The following DIP2B variants were observed in gnomAD, a reference collection of about 807,000 sequenced individuals.
The protein encoded by DIP2B is DIP2 acetate--CoA ligase B (putative), also known as disco-interacting protein 2 homolog B.
DIP2B carries 76 observed loss-of-function variants against 198.0 expected under a neutral mutation model. That is an observed-to-expected ratio of 0.38 (90% CI 0.32 to 0.46). DIP2B has a LOEUF of 0.46. Among genes scored for constraint, DIP2B ranks in the 20% least tolerant of loss-of-function variants. The pLI, the probability that DIP2B is intolerant of heterozygous loss-of-function variation, is 0.99. For synonymous variants in DIP2B, 701 were observed against 739.1 expected (o/e 0.95, Z 0.84); for missense variants, 1,559 against 1,978.4 (o/e 0.79, Z 4.02).
intron 3 of DIP2B, among the ~76,000 whole-genome samples, chr12:50,649,423 G>C (rs1254178462): frequency 6.6e-6 from 1 of 152,198 alleles, no homozygotes; most frequent in Non-Finnish European, 1.5e-5. Flanking sequence ...CAAGTTCAGA[G>C]CTAGACAGGC....
At position 50,660,266 on chromosome 12, in the gene DIP2B, C is replaced by T. The variant is rs1173067388; in HGVS notation, c.374C>T (p.Thr125Ile). The change falls in exon 4 of 38, where the codon ACC becomes ATC. Residue 125 changes from threonine (T) to isoleucine (I), a missense_variant. By Grantham distance (89) the Thr-to-Ile change is moderately conservative. Transcript: ENST00000301180. Reference protein sequence around the residue: ...KEQKMALPMPTKRRSTFVQSP... With the variant: ...KEQKMALPMPIKRRSTFVQSP... ...CAGAAGATGGCTTTGCCCATGCCAA[C>T]CAAAAGGCGATCCACATTTGTTCAG... 1.2e-6 allele frequency: 2 copies of T among 1,613,216 alleles called. No individual in the cohort carries two copies. The highest frequency in any genetic ancestry group is 1.3e-5 in the African/African-American group (1 of 74,920).
intron 4 of DIP2B, among the ~76,000 whole-genome samples, chr12:50,662,938 G>A (rs999424372): frequency 4.6e-5 from 7 of 151,810 alleles, no homozygotes; most frequent in East Asian, 2.0e-4. Flanking sequence ...GTGAAACCCC[G>A]TCCCGGCTAA....
intron 4 of DIP2B, among the ~76,000 whole-genome samples, chr12:50,669,145 T>C (rs886381652): frequency 2.0e-5 from 3 of 152,176 alleles, no homozygotes; most frequent in African/African-American, 7.2e-5. Context: ...GCGAAACCCT[T>C]TGATTACTCC....
At chr12:50,735,031 C>T (rs1300863885) in intron 33 of DIP2B, 42 bp from the exon 34 acceptor site, 3 of 1,611,442 alleles carry the variant, frequency 1.9e-6, no homozygotes, top group Non-Finnish European at 2.5e-6. Context: ...GCGACTTCTC[C>T]TCTTAAAAGC....
rs763120960 is a variant in DIP2B, at chr12:50,675,388, C to T, written c.856C>T (p.Arg286Ter). Residue 286 changes from arginine to a stop codon, truncating the protein, a stop_gained, in exon 7 of 38, where the codon CGA (arginine) becomes TGA (stop). Coordinates refer to ENST00000301180, the MANE Select transcript of DIP2B (RefSeq NM_173602.3). LOFTEE classifies it high-confidence loss of function. ...CCAGCAGCTTCTGAACACTCTGAAA[C>T]GACCCAAAAGGCCTCCCTTAAAGGA... ...KIQQLLNTLK[R>*]PKRPPLKEFF... The T allele has an allele frequency of 3.1e-6, 5 of 1,613,790 alleles. No homozygotes were observed. The highest frequency in any genetic ancestry group is 1.7e-5 in the Admixed American group (1 of 60,008).
intron 26 of DIP2B, among the ~76,000 whole-genome samples, chr12:50,721,769 ATGT>A (rs1378005083): frequency 6.6e-6 from 1 of 152,220 alleles, no homozygotes; most frequent in Non-Finnish European, 1.5e-5. Flanking sequence ...CCCCAAAGAA[ATGT>A]TGTGCGTGAA....
intron 2 of DIP2B, among the ~76,000 whole-genome samples, chr12:50,634,014 G>A (rs1179116711): frequency 2.0e-5 from 3 of 152,050 alleles, no homozygotes; most frequent in South Asian, 2.1e-4. Context: ...AAAACGCTCC[G>A]ACTTTGAGAG....
At chr12:50,737,823 G>A (rs1940165070) in intron 35 of DIP2B, among the ~76,000 whole-genome samples, 1 of 152,082 alleles carries the variant, frequency 6.6e-6, no homozygotes, top group South Asian at 2.1e-4. Context: ...CATGAGTTCA[G>A]GTGATCCGCC....
intron 25 of DIP2B, among the ~76,000 whole-genome samples, chr12:50,720,700 T>C (rs1212525474): frequency 6.6e-6 from 1 of 152,108 alleles, no homozygotes; most frequent in Non-Finnish European, 1.5e-5. Context: ...GAGGATGGCT[T>C]GAACCCAGGA....
rs58891579 is a variant in DIP2B, at chr12:50,726,949, C to CA, written c.3401-746dup. Reference sequence around the variant, plus strand: ...GCAATACAGTGAGACCTCACCTCTACAAAAAAAATTTTTATTTAATTAGCT... The same window carrying CA: ...GCAATACAGTGAGACCTCACCTCTACAAAAAAAAATTTTTATTTAATTAGCT... On this transcript the variant is annotated intron_variant, in intron 28 of 37. Coordinates refer to ENST00000301180, the MANE Select transcript of DIP2B (RefSeq NM_173602.3). 3.3e-5 allele frequency among the ~76,000 whole-genome samples: 5 copies of CA among 151,926 alleles called. No individual in the cohort carries two copies. In the South Asian group the frequency reaches 1.0e-3, roughly 32 times the overall value.
At chr12:50,708,853 A>G (rs975778156) in intron 22 of DIP2B, among the ~76,000 whole-genome samples, 7 of 152,268 alleles carry the variant, frequency 4.6e-5, no homozygotes, top group African/African-American at 1.7e-4. Context: ...TGTGGAACAC[A>G]TCTCTGGCAG....
intron 3 of DIP2B, among the ~76,000 whole-genome samples, chr12:50,648,464 C>T (rs978586690): frequency 3.3e-5 from 5 of 152,072 alleles, no homozygotes; most frequent in East Asian, 1.9e-4. Flanking sequence ...CCTGGGTTCA[C>T]GCCATTCTCC....
chr12:50,596,041 G>A (rs1958876031), intron 1 of DIP2B, among the ~76,000 whole-genome samples: 1 of 152,304 alleles, frequency 6.6e-6, no homozygotes, highest in Admixed American at 6.5e-5. Flanking sequence ...TTTGCCAATA[G>A]GTGCTCCCAT....
At chr12:50,571,391 C>T (rs910182799) in intron 1 of DIP2B, among the ~76,000 whole-genome samples, 5 of 151,860 alleles carry the variant, frequency 3.3e-5, no homozygotes, top group East Asian at 3.9e-4. Context: ...AGGCTGGTCT[C>T]GAACCTCTGA....
chr12:50,657,350 A>G (rs973578395), intron 3 of DIP2B, among the ~76,000 whole-genome samples: 4 of 152,172 alleles, frequency 2.6e-5, no homozygotes, highest in African/African-American at 9.7e-5. Flanking sequence ...CCCATGAATT[A>G]CTTATTAATT....
intron 37 of DIP2B, among the ~76,000 whole-genome samples, chr12:50,744,279 G>A (rs796697478): frequency 8.5e-5 from 13 of 152,258 alleles, no homozygotes; most frequent in African/African-American, 3.1e-4. Flanking sequence ...TGGGATTATA[G>A]GTGTGAGCCA....
At chr12:50,658,960 A>G (rs1260753018) in intron 3 of DIP2B, among the ~76,000 whole-genome samples, 3 of 152,152 alleles carry the variant, frequency 2.0e-5, no homozygotes, top group African/African-American at 7.2e-5. Flanking sequence ...GGTGGCGTGT[A>G]CCTGTAGTCC....
At chr12:50,661,145 G>A (rs997819134) in intron 4 of DIP2B, among the ~76,000 whole-genome samples, 3 of 151,800 alleles carry the variant, frequency 2.0e-5, no homozygotes, top group African/African-American at 4.8e-5. Flanking sequence ...TTTTTAGATC[G>A]AATCCCAGAC....
At chr12:50,585,501 G>A (rs773979051) in intron 1 of DIP2B, among the ~76,000 whole-genome samples, 8 of 152,206 alleles carry the variant, frequency 5.3e-5, no homozygotes, top group Non-Finnish European at 7.3e-5. Flanking sequence ...TCATGTGAAT[G>A]TTGGGGGGAA....
Sources: gnomAD v4.1 joint callset for allele counts (sites outside exome capture counted in the v4.1 genomes callset) on GRCh38, gnomAD v4.1.1 for gene constraint, MANE v1.5 for transcripts, NCBI Gene and HGNC (gene_info 2026-07-23, HGNC 2026-07-21) for gene names.